PTPRG: variants seen among roughly 807,000 people sequenced by gnomAD.
PTPRG encodes the protein receptor-type tyrosine-protein phosphatase gamma.
Under a neutral mutation model 165.3 loss-of-function variants are expected in PTPRG, and 102 were observed. The ratio of observed to expected loss-of-function variants is 0.62; its 90% confidence interval spans 0.53 to 0.73. PTPRG has a LOEUF of 0.73. PTPRG is among the 30% of genes least tolerant of loss of function. PTPRG has a pLI of 0.00. For synonymous variants in PTPRG, 675 were observed against 669.5 expected, an observed-to-expected ratio of 1.01 and a Z score of -0.13; for missense variants, 1,866 against 1,861.4, an observed-to-expected ratio of 1.00 and a Z score of -0.05.
intron 1 of PTPRG, among the ~76,000 whole-genome samples, chr3:61,648,587 GGGGTGACCCCA>G (rs1702267735): frequency 6.6e-6 from 1 of 152,216 alleles, no homozygotes; most frequent in Non-Finnish European, 1.5e-5. Context: ...GTGTTTGAGT[GGGGTGACCCCA>G]GGCTGATGCA....
intron 2 of PTPRG, among the ~76,000 whole-genome samples, chr3:61,896,093 A>G (rs2038348221): frequency 1.3e-5 from 2 of 152,094 alleles, no homozygotes. Flanking sequence ...GTGTGTATAA[A>G]TTCTATATAA....
chr3:61,850,690 ATATTTT>A (rs1286372597), intron 2 of PTPRG, among the ~76,000 whole-genome samples: 1 of 152,040 alleles, frequency 6.6e-6, no homozygotes, highest in Non-Finnish European at 1.5e-5. Context: ...TATATTGTTT[ATATTTT>A]TATTGACATT....
chr3:62,077,848 C>T (rs1261624002), intron 4 of PTPRG, among the ~76,000 whole-genome samples: 2 of 151,884 alleles, frequency 1.3e-5, no homozygotes, highest in African/African-American at 4.8e-5. Context: ...TACAAAAATA[C>T]AAAAATTAGC....
chr3:61,885,528 A>G (rs2038004206), intron 2 of PTPRG, among the ~76,000 whole-genome samples: 1 of 151,314 alleles, frequency 6.6e-6, no homozygotes, highest in African/African-American at 2.4e-5. Context: ...CAATATGTTT[A>G]CACCAATTGC....
intron 15 of PTPRG, among the ~76,000 whole-genome samples, chr3:62,249,693 C>T (rs1165416925): frequency 6.6e-6 from 1 of 152,122 alleles, no homozygotes; most frequent in African/African-American, 2.4e-5. Context: ...AGCATCTTGT[C>T]AGGAAGGTAA....
intron 2 of PTPRG, among the ~76,000 whole-genome samples, chr3:61,812,606 A>G (rs1283613895): frequency 2.6e-5 from 4 of 152,210 alleles, no homozygotes; most frequent in Admixed American, 6.5e-5. Context: ...CATCCTATCT[A>G]GGTTTCCAGA....
In PTPRG at chr3:61,837,453, C is replaced by G. The variant is rs562193098; in HGVS notation, c.190+88471C>G. Among the ~76,000 whole-genome samples, 12 of 152,300 alleles carry G rather than the reference C, an allele frequency of 7.9e-5. No individual in the cohort carries two copies. In the East Asian group the frequency reaches 1.4e-3, roughly 17 times the overall value. On this transcript the variant is annotated intron_variant, in intron 2 of 29. Coordinates refer to ENST00000474889, the MANE Select transcript of PTPRG (RefSeq NM_002841.4). ...AAGTAACTGGAAGTTGAGTCACAAG[C>G]AGGGCTCCTGTTTGCCCATGTCTTG...
chr3:61,802,787 C>A (rs867242261), intron 2 of PTPRG, among the ~76,000 whole-genome samples: 2 of 151,980 alleles, frequency 1.3e-5, no homozygotes, highest in African/African-American at 2.4e-5. Context: ...TATGAGAAGG[C>A]CAGTTAGATT....
At chr3:62,180,450 G>A (rs912052756) in intron 8 of PTPRG, among the ~76,000 whole-genome samples, 2 of 152,214 alleles carry the variant, frequency 1.3e-5, no homozygotes, top group Non-Finnish European at 2.9e-5. Flanking sequence ...CAGACACTCA[G>A]TTGGAGCCCT....
In PTPRG at chr3:62,272,971, T is replaced by C. The variant is rs763554450; in HGVS notation, c.3208T>C (p.Tyr1070His). 1.9e-6 allele frequency: 3 copies of C among 1,613,222 alleles called. No homozygotes were observed. Among genetic ancestry groups the C allele is most frequent in the Non-Finnish European group, 2.5e-6 (3 of 1,179,548 alleles). The change falls in exon 22 of 30, where the codon TAT (tyrosine) becomes CAT (histidine). Residue 1070 changes from tyrosine to histidine, a missense_variant. Physicochemically the swap from Tyr to His is moderately conservative, Grantham distance 83. Around this residue, in one of 3 missense-constraint regions of PTPRG, gnomAD observed 1,452 missense variants for 1,463.0 expected, o/e 0.99. Transcript: ENST00000474889. ...CSAGVGRTGT[Y>H]IVIDSMLQQI... ...TGCTGGTGTGGGCAGAACAGGCACCTATATTGTAATAGACAGCATGCTGCA... is the reference window on the plus strand; with the variant it reads ...TGCTGGTGTGGGCAGAACAGGCACCCATATTGTAATAGACAGCATGCTGCA...
chr3:61,891,039 G>T (rs2038199573), intron 2 of PTPRG, among the ~76,000 whole-genome samples: 1 of 151,940 alleles, frequency 6.6e-6, no homozygotes, highest in South Asian at 2.1e-4. Flanking sequence ...ATTTTTTAAG[G>T]CTGGTTGCGG....
intron 8 of PTPRG, among the ~76,000 whole-genome samples, chr3:62,188,796 TAAG>T (rs1699728434): frequency 6.6e-6 from 1 of 152,016 alleles, no homozygotes; most frequent in African/African-American, 2.4e-5. Context: ...GGAAGATAAA[TAAG>T]AACATGGTGG....
intron 2 of PTPRG, among the ~76,000 whole-genome samples, chr3:61,977,404 T>C (rs990154010): frequency 6.6e-6 from 1 of 152,222 alleles, no homozygotes; most frequent in Admixed American, 6.5e-5. Flanking sequence ...ATTATAGAAG[T>C]ATTACATGTA....
chr3:62,048,620 C>T (rs1700371258), intron 4 of PTPRG, among the ~76,000 whole-genome samples: 2 of 152,298 alleles, frequency 1.3e-5, no homozygotes, highest in African/African-American at 4.8e-5. Flanking sequence ...ATCTATCTCC[C>T]AGTTGTTTTC....
At chr3:61,977,190 C>G (rs547169588) in intron 2 of PTPRG, among the ~76,000 whole-genome samples, 1 of 139,234 alleles carries the variant, frequency 7.2e-6, no homozygotes, top group South Asian at 2.4e-4. Flanking sequence ...TTTCTGCCCT[C>G]CCCCACCCCC....
intron 12 of PTPRG, 65 bp from the exon 13 acceptor site, chr3:62,218,786 G>C (rs1278698444): frequency 8.4e-6 from 13 of 1,539,346 alleles, no homozygotes; most frequent in Middle Eastern, 1.7e-4. Flanking sequence ...ACAGAACTCT[G>C]CATCAATTCT....
intron 5 of PTPRG, among the ~76,000 whole-genome samples, chr3:62,127,199 A>G (rs1182467648): frequency 6.6e-6 from 1 of 152,242 alleles, no homozygotes. Flanking sequence ...GTAAGGGCTA[A>G]CCAAAATGCA....
chr3:61,844,664 T>TC (rs1249057417), intron 2 of PTPRG, among the ~76,000 whole-genome samples: 1 of 146,470 alleles, frequency 6.8e-6, no homozygotes, highest in Non-Finnish European at 1.5e-5. Context: ...CTGGCTTTTT[T>TC]TTTTTTTCCC....
chr3:61,982,653 C>T (rs1425971148), intron 2 of PTPRG, among the ~76,000 whole-genome samples: 2 of 152,034 alleles, frequency 1.3e-5, no homozygotes, highest in African/African-American at 4.8e-5. Flanking sequence ...TAAAAGGTAG[C>T]CATTATTGCC....
Sources: gnomAD v4.1 joint callset for allele counts (sites outside exome capture counted in the v4.1 genomes callset) on GRCh38, gnomAD v4.1.1 for gene constraint, gnomAD v4.1.1 regional missense constraint, MANE v1.5 for transcripts, NCBI Gene and HGNC (gene_info 2026-07-23, HGNC 2026-07-21) for gene names.